The following MICAL3 variants were observed in gnomAD, a reference collection of about 807,000 sequenced individuals.
MICAL3 encodes microtubule associated monooxygenase, calponin and LIM domain containing 3, also known as [F-actin]-monooxygenase MICAL3.
Under a neutral mutation model 207.4 loss-of-function variants are expected in MICAL3, and 62 were observed. That is an observed-to-expected ratio of 0.30 (90% CI 0.24 to 0.37). The LOEUF (loss-of-function observed/expected upper bound fraction) is 0.37. Among genes scored for constraint, MICAL3 ranks in the 10% least tolerant of loss-of-function variants. The pLI, the probability that MICAL3 is intolerant of heterozygous loss-of-function variation, is 1.00. For missense variants in MICAL3, 2,368 were observed against 2,635.6 expected (o/e 0.90, Z 2.22); for synonymous variants, 1,077 against 1,069.3 (o/e 1.01, Z -0.14).
Position 17,818,732 on chromosome 22 carries a change from C to A in MICAL3, c.3929G>T (p.Ser1310Ile), listed in dbSNP as rs771300506. The A allele has an allele frequency of 8.7e-6, 14 of 1,608,708 alleles. No homozygotes were observed. Among genetic ancestry groups the A allele is most frequent in the Non-Finnish European group, 1.2e-5 (14 of 1,176,428 alleles). ...GAGGGCCTCATCCACAGCAAGGGGG[C>A]TGCCCAGTCTGTCCTTGGTGTCACT... is the stretch of plus-strand genomic sequence containing the variant. ...SQSDTKDRLG[S>I]PLAVDEALRR... The change falls in exon 26 of 32, where the codon AGC becomes ATC. Residue 1310 changes from serine (S) to isoleucine (I), a missense_variant. Around this residue, in one of 4 missense-constraint regions of MICAL3, gnomAD observed 1,770 missense variants for 1,863.2 expected, o/e 0.95. Coordinates refer to ENST00000441493, the MANE Select transcript of MICAL3 (RefSeq NM_015241.3).
rs933053778 is a variant in MICAL3 at position 17,896,265 on chromosome 22, A to C, written c.1303T>G (p.Leu435Val). Residue 435 changes from leucine (L) to valine (V), a missense_variant, in exon 9 of 32, where the codon TTG (leucine) becomes GTG (valine). Leu to Val is a conservative substitution (Grantham distance 32, BLOSUM62 1). Transcript: ENST00000441493. ...VRSWSLGTSP[L>V]EVLAERESIY... ...CATTACCTCTCTGCCAGCACTTCCA[A>C]AGGGCTCGTTCCTAGAGACCAACTT... is the stretch of plus-strand genomic sequence containing the variant. 1.3e-6 allele frequency: 2 copies of C among 1,556,484 alleles called. No individual in the cohort carries two copies. The highest frequency in any genetic ancestry group is 3.9e-5 in the Admixed American group (2 of 51,864).
chr22:18,015,422 CTTTTTTT>C (rs34098867), intron 1 of MICAL3, among the ~76,000 whole-genome samples: 2 of 105,610 alleles, frequency 1.9e-5, no homozygotes, highest in Non-Finnish European at 3.7e-5. Context: ...TAAGACTCAT[CTTTTTTT>C]TTTTTTTTTT....
chr22:18,019,746 C>T (rs1299038308), intron 1 of MICAL3: 2 of 216,896 alleles, frequency 9.2e-6, no homozygotes, highest in Non-Finnish European at 1.9e-5. Context: ...GAAGCTTTGG[C>T]AGAATCTTGG....
At chr22:17,864,019 G>A in intron 19 of MICAL3, 1 of 985,664 alleles carries the variant, frequency 1.0e-6, no homozygotes, top group Non-Finnish European at 1.2e-6. Context: ...GAACCACCTG[G>A]AGCTGTATGT....
intron 1 of MICAL3, among the ~76,000 whole-genome samples, chr22:17,966,027 A>C (rs1052966166): frequency 6.6e-6 from 1 of 152,216 alleles, no homozygotes; most frequent in East Asian, 1.9e-4. Flanking sequence ...CAGGCAATGA[A>C]GAGTCAACAC....
intron 1 of MICAL3, among the ~76,000 whole-genome samples, chr22:17,910,249 T>G (rs1444333743): frequency 6.6e-6 from 1 of 152,156 alleles, no homozygotes; most frequent in Admixed American, 6.5e-5. Flanking sequence ...AAGAGGGTCT[T>G]GGGCACTTAT....
chr22:17,829,066 A>G (rs1382259859), intron 21 of MICAL3, among the ~76,000 whole-genome samples: 1 of 152,042 alleles, frequency 6.6e-6, no homozygotes, highest in East Asian at 1.9e-4. Flanking sequence ...CTGGCCCTGC[A>G]AGCCGTATGT....
chr22:17,998,228 C>A (rs139101380), intron 1 of MICAL3, among the ~76,000 whole-genome samples: 2 of 144,838 alleles, frequency 1.4e-5, no homozygotes, highest in African/African-American at 5.2e-5. Context: ...CGCTCGAACC[C>A]AGGAGGCAGA....
chr22:18,023,924 G>A (rs11705655), intron 1 of MICAL3, among the ~76,000 whole-genome samples: 22,058 of 151,944 alleles, frequency 0.15, 1,859 homozygotes, highest in Non-Finnish European at 0.19. Flanking sequence ...CCTCGGGGGT[G>A]CCTGGGTACG....
At chr22:17,821,976 T>A in intron 24 of MICAL3, 54 bp downstream of exon 24, 1 of 1,595,060 alleles carries the variant, frequency 6.3e-7, no homozygotes, top group South Asian at 1.1e-5. Flanking sequence ...CTTGTGTGCA[T>A]ATGGCCCTCG....
chr22:17,863,380 G>A, intron 19 of MICAL3: 1 of 985,276 alleles, frequency 1.0e-6, no homozygotes, highest in Non-Finnish European at 1.2e-6. Flanking sequence ...CCAACTGAAT[G>A]TACATTCTAT....
At chr22:17,982,735 A>AC (rs1569156815) in intron 1 of MICAL3, among the ~76,000 whole-genome samples, 105 of 129,592 alleles carry the variant, frequency 8.1e-4, no homozygotes, top group East Asian at 3.1e-3. Context: ...ATAACATAAA[A>AC]ATAAAATAAA....
chr22:17,983,920 GA>G (rs960593881), intron 1 of MICAL3, among the ~76,000 whole-genome samples: 2 of 151,936 alleles, frequency 1.3e-5, no homozygotes, highest in Non-Finnish European at 2.9e-5. Context: ...ATTGTTCTGG[GA>G]AAAAAATTCA....
chr22:17,984,351 C>T (rs1300906659), intron 1 of MICAL3, among the ~76,000 whole-genome samples: 1 of 152,254 alleles, frequency 6.6e-6, no homozygotes, highest in Admixed American at 6.5e-5. Context: ...ACATACCATA[C>T]AGTGTTTCAC....
At chr22:17,835,101 T>C (rs1353225853) in intron 20 of MICAL3, among the ~76,000 whole-genome samples, 2 of 152,202 alleles carry the variant, frequency 1.3e-5, no homozygotes, top group African/African-American at 4.8e-5. Flanking sequence ...GGGCACTGAA[T>C]AGATGCCCCG....
At chr22:17,829,482 T>C (rs1601993830) in intron 21 of MICAL3, among the ~76,000 whole-genome samples, 1 of 152,332 alleles carries the variant, frequency 6.6e-6, no homozygotes, top group African/African-American at 2.4e-5. Context: ...AATTTGCCTT[T>C]CTTTATGGTG....
At chr22:17,935,948 AG>A (rs1933497964) in intron 1 of MICAL3, among the ~76,000 whole-genome samples, 1 of 152,226 alleles carries the variant, frequency 6.6e-6, no homozygotes, top group Admixed American at 6.5e-5. Flanking sequence ...GAGGATGTGG[AG>A]AAATAGGAAC....
At chr22:17,922,298 G>A (rs1247583746) in intron 1 of MICAL3, among the ~76,000 whole-genome samples, 5 of 152,132 alleles carry the variant, frequency 3.3e-5, no homozygotes, top group Non-Finnish European at 7.4e-5. Context: ...AAGAAAGAAG[G>A]AAAAAGATAA....
chr22:17,797,608 T>A (rs752699021), intron 29 of MICAL3, among the ~76,000 whole-genome samples: 24 of 152,144 alleles, frequency 1.6e-4, no homozygotes, highest in Non-Finnish European at 2.6e-4. Flanking sequence ...GGCTTGATGC[T>A]CTGCATTTCC....
Sources: allele counts gnomAD v4.1 joint callset (sites outside exome capture counted in the v4.1 genomes callset), GRCh38; gene constraint gnomAD v4.1.1; regional missense constraint gnomAD v4.1.1; transcripts MANE v1.5; gene names NCBI Gene and HGNC (gene_info 2026-07-23, HGNC 2026-07-21).